The following PRR12 variants were observed in gnomAD, a reference collection of about 807,000 sequenced individuals.
The protein encoded by PRR12 is proline rich 12, also known as proline-rich protein 12.
In PRR12, 12 loss-of-function variants were observed where a neutral mutation model predicts 138.0. That is an observed-to-expected ratio of 0.09 (90% CI 0.06 to 0.14). The LOEUF (loss-of-function observed/expected upper bound fraction) is 0.14. Among genes scored for constraint, PRR12 ranks in the 10% least tolerant of loss-of-function variants. The pLI is 1.00. For synonymous variants in PRR12, 1,567 were observed against 1,291.7 expected, an observed-to-expected ratio of 1.21 and a Z score of -4.57; for missense variants, 2,692 against 2,861.3, an observed-to-expected ratio of 0.94 and a Z score of 1.35.
chr19:49,599,985 T>C lies in PRR12; in HGVS notation c.4345+47T>C, dbSNP rs1368465884. ...TGGGAGTAGAGCTTAAAGGTTATTA[T>C]GATCACTAGGTAACAGTTGTGCAGG... On this transcript the variant is annotated intron_variant, in intron 5 of 13. Transcript: ENST00000418929. The surrounding 1 kb of genome is among the most constrained non-coding windows in gnomAD (Gnocchi z 5.0). The C allele has an allele frequency of 1.3e-6, 2 of 1,501,688 alleles. No individual in the cohort carries two copies. Among genetic ancestry groups the C allele is most frequent in the Non-Finnish European group, 1.8e-6 (2 of 1,116,918 alleles). 93.0% of individuals were successfully genotyped at this position (1,501,688 alleles called of 1,614,324 possible).
chr19:49,599,416 C>A lies in PRR12; in HGVS notation c.3823C>A (p.Pro1275Thr). 1 of 1,610,784 alleles carries A rather than the reference C, an allele frequency of 6.2e-7. No homozygotes were observed. The highest frequency in any genetic ancestry group is 1.7e-5 in the Admixed American group (1 of 59,596). ...AKIKEVEEKQ[P>T]EMKSGFMASF... is the part of the protein sequence containing the mutation. ...GATTAAGGAGGTGGAGGAGAAGCAG[C>A]CGGAGATGAAGTCGGGTTTCATGGC... Residue 1275 changes from proline (P) to threonine (T), a missense_variant, in exon 5 of 14, where the codon CCG becomes ACG. Coordinates refer to ENST00000418929, the MANE Select transcript of PRR12 (RefSeq NM_020719.3). The surrounding 1 kb of genome is among the most constrained non-coding windows in gnomAD (Gnocchi z 5.0).
rs750846521 is a variant in PRR12 at position 49,596,722 on chromosome 19, C to T, written c.2387C>T (p.Pro796Leu). The T allele has an allele frequency of 3.5e-5, 56 of 1,605,388 alleles. 2 individuals carry two copies. The highest frequency in any genetic ancestry group is 2.7e-4 in the Admixed American group (16 of 59,864). ...CCTGACCTCCCACTGGTGCTGCCTC[C>T]GCCTCCCCCCCAGCTGCTCCCCTCG... ...GGPDLPLVLP[P>L]PPPQLLPSVL... Residue 796 changes from proline (P) to leucine (L), a missense_variant, in exon 4 of 14, where the codon CCG becomes CTG. By Grantham distance (98) the Pro-to-Leu change is moderately conservative (BLOSUM62 -3). Transcript: ENST00000418929. The surrounding 1 kb of genome is among the most constrained non-coding windows in gnomAD (Gnocchi z 5.6).
At chr19:49,593,200 TC>T in intron 1 of PRR12, 126 bp from the exon 2 acceptor site, 1 of 605,718 alleles carries the variant, frequency 1.7e-6, no homozygotes, top group Non-Finnish European at 3.0e-6. Flanking sequence ...GGCCTACGGT[TC>T]CTTAGCTTAA....
At chr19:49,620,237 A>C in intron 9 of PRR12, 115 bp from the exon 10 acceptor site, 1 of 1,415,774 alleles carries the variant, frequency 7.1e-7, no homozygotes, top group Non-Finnish European at 9.6e-7. Flanking sequence ...GCGGACTTGG[A>C]CCTCCCAAAA....
At position 49,615,834 on chromosome 19, in the gene PRR12, G is replaced by T; in HGVS notation, c.5112G>T (p.Glu1704Asp). 2 of 1,611,700 alleles carry T rather than the reference G, an allele frequency of 1.2e-6. No homozygotes were observed. Among genetic ancestry groups the T allele is most frequent in the Non-Finnish European group, 1.7e-6 (2 of 1,179,004 alleles). ...CCCCAGCACCACCTCCCAAGCCTGAGACCCCTGAAAAGACGACATCTGAGA... is the reference window on the plus strand; with the variant it reads ...CCCCAGCACCACCTCCCAAGCCTGATACCCCTGAAAAGACGACATCTGAGA... Reference protein sequence around the residue: ...PKAPAPPPKPETPEKTTSEKP... With the variant: ...PKAPAPPPKPDTPEKTTSEKP... The change falls in exon 9 of 14, where the codon GAG (glutamate) becomes GAT (aspartate). Residue 1704 changes from glutamate (E) to aspartate (D), a missense_variant. Physicochemically the swap from Glu to Asp is conservative, Grantham distance 45. Coordinates refer to ENST00000418929, the MANE Select transcript of PRR12 (RefSeq NM_020719.3).
chr19:49,620,560 G>A, intron 10 of PRR12, 83 bp downstream of exon 10: 2 of 1,531,500 alleles, frequency 1.3e-6, no homozygotes, highest in Non-Finnish European at 1.8e-6. Context: ...TGATGTGAGA[G>A]AGGAGAGGTT....
In PRR12 at chr19:49,596,591, C is replaced by T. The variant is rs771750435; in HGVS notation, c.2256C>T (p.Gly752=). ...CCTCTGTTGTCCACTACGGGGCAGG[C>T]GCCAAGGAGCTGGGGGCCTTCTTGC... ...LATSVVHYGA[G]AKELGAFLQK... Residue 752 remains glycine, a synonymous_variant, in exon 4 of 14, where the codon GGC becomes GGT. Coordinates refer to ENST00000418929, the MANE Select transcript of PRR12 (RefSeq NM_020719.3). This position sits in a 1 kb window ranked among gnomAD's most constrained non-coding sequence, Gnocchi z 5.6. The T allele has an allele frequency of 5.6e-6, 9 of 1,594,308 alleles. No individual in the cohort carries two copies. Among genetic ancestry groups the T allele is most frequent in the East Asian group, 2.2e-5 (1 of 44,712 alleles).
chr19:49,591,790 A>AGCCGGGCCGG (rs146415405), intron 1 of PRR12, 50 bp downstream of exon 1: 129 of 1,069,970 alleles, frequency 1.2e-4, no homozygotes, highest in African/African-American at 8.8e-4. Context: ...GTGGGAGCCC[A>AGCCGGGCCGG]GCCGGGCCGG....
chr19:49,615,257 G>A (rs1460003736), intron 8 of PRR12, among the ~76,000 whole-genome samples: 1 of 151,174 alleles, frequency 6.6e-6, no homozygotes, highest in African/African-American at 2.4e-5. Flanking sequence ...AGAGATGGGA[G>A]AACAGAGAAC....
In PRR12 at chr19:49,614,746, G is replaced by T; in HGVS notation, c.4890+97G>T. 1 of 1,490,946 alleles carries T rather than the reference G, an allele frequency of 6.7e-7. No individual in the cohort carries two copies. The highest frequency in any genetic ancestry group is 2.0e-5 in the Admixed American group (1 of 50,924). The allele number at this position is 1,490,946 out of a possible 1,614,324, so 92.4% of individuals were successfully genotyped here. Reference sequence around the variant, plus strand: ...GTGTGGCTGTGACTCACTCCACAGTGTATCTGGAAGGGGGCCCCCTGCTGC... The same window carrying T: ...GTGTGGCTGTGACTCACTCCACAGTTTATCTGGAAGGGGGCCCCCTGCTGC... On this transcript the variant is annotated intron_variant, in intron 7 of 13. Coordinates refer to ENST00000418929, the MANE Select transcript of PRR12 (RefSeq NM_020719.3). The surrounding 1 kb of genome is among the most constrained non-coding windows in gnomAD (Gnocchi z 5.0).
In PRR12 at chr19:49,599,130, T is replaced by C. The variant is rs140884251; in HGVS notation, c.3679-142T>C. The C allele has an allele frequency of 6.6e-5, 53 of 799,474 alleles. No individual in the cohort carries two copies. In the African/African-American group the frequency reaches 8.9e-4, roughly 13 times the overall value. 49.5% of individuals were successfully genotyped at this position (799,474 alleles called of 1,614,324 possible). A position where few individuals can be genotyped will look rare whatever the true frequency, so the allele number is the denominator to read the frequency against. On this transcript the variant is annotated intron_variant, in intron 4 of 13. Coordinates refer to ENST00000418929, the MANE Select transcript of PRR12 (RefSeq NM_020719.3). The surrounding 1 kb of genome is among the most constrained non-coding windows in gnomAD (Gnocchi z 5.0). ...GAACTCCAGTCTTGTCCTCCTAGAA[T>C]CTAAGACAAGGGGTCTGCAGGTTTG...
At position 49,591,263 on chromosome 19, in the gene PRR12, G is replaced by A. The variant is rs1426709907; in HGVS notation, c.-392G>A. 6.7e-6 allele frequency among the ~76,000 whole-genome samples: 1 copy of A among 148,528 alleles called. No homozygotes were observed. Among genetic ancestry groups the A allele is most frequent in the East Asian group, 2.0e-4 (1 of 4,896 alleles). On this transcript the variant is annotated 5_prime_UTR_variant, in exon 1 of 14. Transcript: ENST00000418929. ...GGAGGCGGCGGCGGCGGCGGCGAGA[G>A]AGCGAGCACCCAGCGCCTGCACCCA...
At chr19:49,620,673 G>T (rs955417499) in intron 10 of PRR12, among the ~76,000 whole-genome samples, 196 bp downstream of exon 10, 8 of 151,164 alleles carry the variant, frequency 5.3e-5, no homozygotes, top group African/African-American at 1.9e-4. Context: ...GAGGGAGGAG[G>T]TCCCTGGGTC....
At chr19:49,610,918 C>T (rs891346353) in intron 6 of PRR12, among the ~76,000 whole-genome samples, 1 of 151,572 alleles carries the variant, frequency 6.6e-6, no homozygotes, top group Non-Finnish European at 1.5e-5. Context: ...AATCTTGGCT[C>T]GCTGCAACCT....
rs776683407 is a variant in PRR12 at position 49,597,774 on chromosome 19, C to T, written c.3439C>T (p.Pro1147Ser). The T allele has an allele frequency of 1.9e-6, 3 of 1,599,992 alleles. No homozygotes were observed. The highest frequency in any genetic ancestry group is 1.7e-6 in the Non-Finnish European group (2 of 1,173,804). ...GGACATCGACTTCTGCCCACCCAACCCAGGACCCGATGGCCCCCGGCGCCG... is the reference window on the plus strand; with the variant it reads ...GGACATCGACTTCTGCCCACCCAACTCAGGACCCGATGGCCCCCGGCGCCG... The part of the protein sequence containing the change: ...LGDIDFCPPN[P>S]GPDGPRRRGR... The change falls in exon 4 of 14, where the codon CCA (proline) becomes TCA (serine). Residue 1147 changes from proline to serine, a missense_variant. Physicochemically the swap from Pro to Ser is moderately conservative, Grantham distance 74. Transcript: ENST00000418929. This position sits in a 1 kb window ranked among gnomAD's most constrained non-coding sequence, Gnocchi z 6.3.
Position 49,615,754 on chromosome 19 carries a change from G to A in PRR12, c.5032G>A (p.Gly1678Arg). 6.2e-7 allele frequency: 1 copy of A among 1,612,246 alleles called. No homozygotes were observed. Among genetic ancestry groups the A allele is most frequent in the Non-Finnish European group, 8.5e-7 (1 of 1,179,140 alleles). ...HRPPVPVRRS[G>R]QAKNPVSAGG... ...TTCTCTGTTCCCTTCTAGACGCTCT[G>A]GGCAGGCCAAGAACCCCGTATCTGC... is the stretch of plus-strand genomic sequence containing the variant. The change falls in exon 9 of 14, where the codon GGG (glycine) becomes AGG (arginine). Residue 1678 changes from glycine (G) to arginine (R), a missense_variant. Around this residue, in one of 11 missense-constraint regions of PRR12, gnomAD observed 259 missense variants for 265.1 expected, o/e 0.98. Coordinates refer to ENST00000418929, the MANE Select transcript of PRR12 (RefSeq NM_020719.3).
At chr19:49,600,076 T>C (rs1568424905) in intron 5 of PRR12, 138 bp downstream of exon 5, 1 of 1,020,718 alleles carries the variant, frequency 9.8e-7, no homozygotes, top group Middle Eastern at 2.2e-4. Context: ...TGAAGGGACT[T>C]TCCTGATTAC....
In PRR12 at chr19:49,597,647, C is replaced by G; in HGVS notation, c.3312C>G (p.Asp1104Glu). The change falls in exon 4 of 14, where the codon GAC (aspartate) becomes GAG (glutamate). Residue 1104 changes from aspartate (D) to glutamate (E), a missense_variant. Asp to Glu is a conservative substitution (Grantham distance 45). Around this residue, in one of 11 missense-constraint regions of PRR12, gnomAD observed 840 missense variants for 689.8 expected, o/e 1.22. Coordinates refer to ENST00000418929, the MANE Select transcript of PRR12 (RefSeq NM_020719.3). The surrounding 1 kb of genome is among the most constrained non-coding windows in gnomAD (Gnocchi z 6.3). ...LYAQEYEFEA[D>E]EDKADVPADI... Reference sequence around the variant, plus strand: ...CCCAGGAGTACGAGTTCGAGGCGGACGAGGACAAGGCCGATGTTCCCGCCG... The same window carrying G: ...CCCAGGAGTACGAGTTCGAGGCGGAGGAGGACAAGGCCGATGTTCCCGCCG... 6.2e-7 allele frequency: 1 copy of G among 1,608,532 alleles called. No homozygotes were observed. The highest frequency in any genetic ancestry group is 8.5e-7 in the Non-Finnish European group (1 of 1,178,364).
intron 11 of PRR12, among the ~76,000 whole-genome samples, chr19:49,623,061 T>C (rs1235160274): frequency 6.6e-6 from 1 of 151,716 alleles, no homozygotes; most frequent in Non-Finnish European, 1.5e-5. Flanking sequence ...AATTCTGGAA[T>C]GGATTCTTAG....
Sources: allele counts gnomAD v4.1 joint callset (sites outside exome capture counted in the v4.1 genomes callset), GRCh38; gene constraint gnomAD v4.1.1; regional missense constraint gnomAD v4.1.1; non-coding constraint Gnocchi (gnomAD v3.1); transcripts MANE v1.5; gene names NCBI Gene and HGNC (gene_info 2026-07-23, HGNC 2026-07-21).